MLXIP: variants seen among roughly 807,000 people sequenced by gnomAD.
The protein encoded by MLXIP is MLX-interacting protein.
MLXIP carries 30 observed loss-of-function variants against 87.2 expected under a neutral mutation model. The observed-to-expected ratio is 0.34, with a 90% CI of 0.26 to 0.47. The LOEUF is 0.47. Among genes scored for constraint, MLXIP ranks in the 20% least tolerant of loss-of-function variants. The pLI, the probability that MLXIP is intolerant of heterozygous loss-of-function variation, is 1.00. For missense variants in MLXIP, 1,002 were observed against 1,240.1 expected (o/e 0.81, Z 2.88); for synonymous variants, 530 against 514.0 (o/e 1.03, Z -0.42).
In MLXIP at chr12:122,085,511, C is replaced by T. The variant is rs556299604; in HGVS notation, c.413+6245C>T. Among the ~76,000 whole-genome samples the T allele has an allele frequency of 5.1e-4, 78 of 151,858 alleles. 1 individual carries two copies. The highest frequency in any genetic ancestry group is 1.9e-3 in the African/African-American group (78 of 41,394). ...CTCCGCCTCCTGGGTTCAAGTGATT[C>T]TCCTGCCTCAGCCTCCTGAGTAGCT... On this transcript the variant is annotated intron_variant, in intron 1 of 16. Transcript: ENST00000319080.
In MLXIP at chr12:122,079,194, A is replaced by G; in HGVS notation, c.341A>G (p.Lys114Arg). The G allele has an allele frequency of 1.3e-6, 2 of 1,551,078 alleles. No individual in the cohort carries two copies. The highest frequency in any genetic ancestry group is 1.7e-6 in the Non-Finnish European group (2 of 1,146,770). The change falls in exon 1 of 17, where the codon AAG (lysine) becomes AGG (arginine). Residue 114 changes from lysine (K) to arginine (R), a missense_variant. Physicochemically the swap from Lys to Arg is conservative, Grantham distance 26. Transcript: ENST00000319080. ...ACGTGCCAGACCTACAGCTTCGGCA[A>G]GACTAGCTCCTGCCACCTGTCCATC... ...KQTCQTYSFG[K>R]TSSCHLSIDA...
chr12:122,121,801 C>T (rs764525706), intron 1 of MLXIP, among the ~76,000 whole-genome samples: 3 of 152,162 alleles, frequency 2.0e-5, no homozygotes, highest in African/African-American at 4.8e-5. Flanking sequence ...TAGTTTCATC[C>T]AAGAAAAGTT....
intron 1 of MLXIP, among the ~76,000 whole-genome samples, chr12:122,082,045 C>G (rs975975119): frequency 1.3e-5 from 2 of 152,138 alleles, no homozygotes; most frequent in Non-Finnish European, 2.9e-5. Flanking sequence ...TATTTTTTAC[C>G]GAGTCCTGAG....
Position 122,133,995 on chromosome 12 carries a change from A to G in MLXIP, c.1732+8A>G. 1 of 1,590,034 alleles carries G rather than the reference A, an allele frequency of 6.3e-7. No individual in the cohort carries two copies. Among genetic ancestry groups the G allele is most frequent in the South Asian group, 1.1e-5 (1 of 87,754 alleles). ...ATGCCCGTATCGCCCCAGGTGAGCCAGGCGGGGAGACTCAGTGCGGGGCTC... is the reference window on the plus strand; with the variant it reads ...ATGCCCGTATCGCCCCAGGTGAGCCGGGCGGGGAGACTCAGTGCGGGGCTC... On this transcript the variant is annotated splice_region_variant and intron_variant, in intron 9 of 16. Transcript: ENST00000319080. This position sits in a 1 kb window ranked among gnomAD's most constrained non-coding sequence, Gnocchi z 4.9.
rs1953257764 is a variant in MLXIP at position 122,144,103 on chromosome 12, G to A, written c.*2291G>A. 6.6e-6 allele frequency: 1 copy of A among 152,610 alleles called. No homozygotes were observed. Among genetic ancestry groups the A allele is most frequent in the Admixed American group, 6.5e-5 (1 of 15,268 alleles). The allele number at this position is 152,610 out of a possible 1,614,324, so 9.5% of individuals were successfully genotyped here. On this transcript the variant is annotated 3_prime_UTR_variant, in exon 17 of 17. Transcript: ENST00000319080. ...GCCTGATGAATCCAGCCAGACCAAG[G>A]GGCCTAGATTTGACCTCTGTCCTGG... is the stretch of plus-strand genomic sequence containing the variant.
chr12:122,101,706 G>A (rs558922077), intron 1 of MLXIP, among the ~76,000 whole-genome samples: 16 of 150,296 alleles, frequency 1.1e-4, no homozygotes, highest in South Asian at 4.2e-4. Flanking sequence ...GCAGCCTCCC[G>A]AGTAGCTGGG....
At chr12:122,082,450 A>G (rs933699213) in intron 1 of MLXIP, among the ~76,000 whole-genome samples, 2 of 152,176 alleles carry the variant, frequency 1.3e-5, no homozygotes, top group African/African-American at 4.8e-5. Flanking sequence ...GGTGGAAGTG[A>G]GGATCAGCAG....
chr12:122,129,576 C>T lies in MLXIP; in HGVS notation c.697-12C>T, dbSNP rs1204360933. 2 of 1,613,330 alleles carry T rather than the reference C, an allele frequency of 1.2e-6. No homozygotes were observed. The highest frequency in any genetic ancestry group is 1.7e-6 in the Non-Finnish European group (2 of 1,179,794). On this transcript the variant is annotated splice_polypyrimidine_tract_variant and intron_variant, in intron 4 of 16. Coordinates refer to ENST00000319080, the MANE Select transcript of MLXIP (RefSeq NM_014938.6). ...CATTGGTGACCGCCGTGTCCTGTCC[C>T]TTTGCCCACAGCTACAGCAGCACAA...
At chr12:122,138,373 G>T (rs1378614399) in intron 13 of MLXIP, 51 bp from the exon 14 acceptor site, 2 of 1,611,024 alleles carry the variant, frequency 1.2e-6, no homozygotes, top group African/African-American at 2.7e-5. Context: ...ATTGCTGGTG[G>T]CAGGCCTGCT....
intron 1 of MLXIP, among the ~76,000 whole-genome samples, chr12:122,106,271 C>T (rs1402580456): frequency 6.6e-6 from 1 of 152,210 alleles, no homozygotes; most frequent in Non-Finnish European, 1.5e-5. Context: ...TGGTTAACTC[C>T]TGCCCGTCCT....
intron 9 of MLXIP, 122 bp downstream of exon 9, chr12:122,134,109 A>G: frequency 8.6e-7 from 1 of 1,160,960 alleles, no homozygotes; most frequent in Non-Finnish European, 1.2e-6. Context: ...GCATGCGCAC[A>G]CACATACACT....
chr12:122,098,142 T>C (rs1411421191), intron 1 of MLXIP, among the ~76,000 whole-genome samples: 1 of 152,256 alleles, frequency 6.6e-6, no homozygotes, highest in East Asian at 1.9e-4. Flanking sequence ...TCCTTGGAGC[T>C]ATGGGTGTGT....
At chr12:122,100,122 T>A (rs184159271) in intron 1 of MLXIP, among the ~76,000 whole-genome samples, 1 of 152,152 alleles carries the variant, frequency 6.6e-6, no homozygotes, top group Non-Finnish European at 1.5e-5. Flanking sequence ...TGAACAGAGC[T>A]GGGTGGTCAG....
intron 1 of MLXIP, among the ~76,000 whole-genome samples, chr12:122,124,650 C>T (rs1042141050): frequency 6.6e-6 from 1 of 151,262 alleles, no homozygotes; most frequent in African/African-American, 2.4e-5. Flanking sequence ...AGAGAAAGGA[C>T]TTCAGGGCGG....
At chr12:122,094,750 G>T (rs1208352806) in intron 1 of MLXIP, among the ~76,000 whole-genome samples, 11 of 146,502 alleles carry the variant, frequency 7.5e-5, no homozygotes, top group Admixed American at 3.4e-4. Flanking sequence ...GGTATGTGTG[G>T]GTGTGTGTAT....
rs1953110211 is a variant in MLXIP, at chr12:122,137,306, TGAATAA to T, written c.2033-156_2033-151del. On this transcript the variant is annotated intron_variant, in intron 11 of 16. Transcript: ENST00000319080. This position sits in a 1 kb window ranked among gnomAD's most constrained non-coding sequence, Gnocchi z 4.1. Reference sequence around the variant, plus strand: ...TTATTAATTTAAGATTTTCAGGGAGTGAATAAGAATAATCTAAGGAAGCATGTGTGT... The same window carrying T: ...TTATTAATTTAAGATTTTCAGGGAGTGAATAATCTAAGGAAGCATGTGTGT... The T allele has an allele frequency of 9.4e-6, 6 of 640,474 alleles. No homozygotes were observed. Among genetic ancestry groups the T allele is most frequent in the Non-Finnish European group, 1.5e-5 (6 of 410,508 alleles). The allele number at this position is 640,474 out of a possible 1,614,324, so 39.7% of individuals were successfully genotyped here.
At chr12:122,129,810 A>C in intron 5 of MLXIP, 131 bp from the exon 6 acceptor site, 1 of 1,326,018 alleles carries the variant, frequency 7.5e-7, no homozygotes, top group Non-Finnish European at 1.0e-6. Context: ...CCGCTCTCCA[A>C]ATGCCTCCAC....
chr12:122,129,237 G>A lies in MLXIP; in HGVS notation c.696+11G>A. ...TACTTCAAGAAAAGGGTATCTGGCT[G>A]GAGTGTTCAGGCAGCCCGCCTAGGG... On this transcript the variant is annotated intron_variant, in intron 4 of 16. Coordinates refer to ENST00000319080, the MANE Select transcript of MLXIP (RefSeq NM_014938.6). The A allele has an allele frequency of 6.3e-7, 1 of 1,598,914 alleles. No individual in the cohort carries two copies. Among genetic ancestry groups the A allele is most frequent in the Non-Finnish European group, 8.5e-7 (1 of 1,172,530 alleles).
rs773380081 is a variant in MLXIP at position 122,130,018 on chromosome 12, G to A, written c.816G>A (p.Leu272=). The A allele has an allele frequency of 3.5e-5, 57 of 1,613,908 alleles. No homozygotes were observed. The highest frequency in any genetic ancestry group is 4.5e-5 in the Non-Finnish European group (53 of 1,179,890). Residue 272 remains leucine (L), a synonymous_variant, in exon 6 of 17, where the codon CTG becomes CTA. Coordinates refer to ENST00000319080, the MANE Select transcript of MLXIP (RefSeq NM_014938.6). The part of the protein sequence containing the change: ...TPVPMEEDPL[L]DTDMLMSEFS... ...TCCCCATGGAGGAGGATCCCCTGCT[G>A]GACACAGACATGCTCATGTCGGAAT...
Sources: gnomAD v4.1 joint callset for allele counts (sites outside exome capture counted in the v4.1 genomes callset) on GRCh38, gnomAD v4.1.1 for gene constraint, Gnocchi (gnomAD v3.1) non-coding constraint, MANE v1.5 for transcripts, NCBI Gene and HGNC (gene_info 2026-07-23, HGNC 2026-07-21) for gene names.